ANKRD37: variants seen among roughly 807,000 people sequenced by gnomAD.
ANKRD37 encodes ankyrin repeat domain-containing protein 37.
In ANKRD37, 17 loss-of-function variants were observed where a neutral mutation model predicts 19.7. The observed-to-expected ratio is 0.86, with a 90% CI of 0.59 to 1.29. The LOEUF is 1.29. Among genes scored for constraint, ANKRD37 ranks in the 50% most tolerant of loss-of-function variants. The pLI, the probability that ANKRD37 is intolerant of heterozygous loss-of-function variation, is 0.00. For synonymous variants in ANKRD37, 79 were observed against 74.5 expected, an observed-to-expected ratio of 1.06 and a Z score of -0.31; for missense variants, 207 against 190.4, an observed-to-expected ratio of 1.09 and a Z score of -0.51.
Position 185,396,942 on chromosome 4 carries a change from A to G in ANKRD37, c.19A>G (p.Asn7Asp), listed in dbSNP as rs749430460. Residue 7 changes from asparagine to aspartate, a missense_variant, in exon 1 of 5, where the codon AAC becomes GAC. Physicochemically the swap from Asn to Asp is conservative, Grantham distance 23. Transcript: ENST00000335174. ...GCGGGAAATGCTGTTGCTGGATTGCAACCCCGAGGTGAGATTCGGGCTCAC... is the reference window on the plus strand; with the variant it reads ...GCGGGAAATGCTGTTGCTGGATTGCGACCCCGAGGTGAGATTCGGGCTCAC... MLLLDCNPEVDGLKHLL... is the reference protein window; with the variant it reads MLLLDCDPEVDGLKHLL... The G allele has an allele frequency of 6.2e-7, 1 of 1,613,644 alleles. No homozygotes were observed. The highest frequency in any genetic ancestry group is 1.1e-5 in the South Asian group (1 of 91,086).
rs528611591 is a variant in ANKRD37 at position 185,399,175 on chromosome 4, T to C, written c.272+147T>C. 69 of 758,302 alleles carry C rather than the reference T, an allele frequency of 9.1e-5. No individual in the cohort carries two copies. In the South Asian group the frequency reaches 1.2e-3, roughly 13 times the overall value. The allele number at this position is 758,302 out of a possible 1,614,324, so 47.0% of individuals were successfully genotyped here. On this transcript the variant is annotated intron_variant, in intron 3 of 4. Transcript: ENST00000335174. ...ATCATTTAAATGTTAACTTAGGTTG[T>C]TGGTGCTATCGAATAATACTCAGTT...
Position 185,399,818 on chromosome 4 carries a change from CTT to C in ANKRD37, c.476+46_476+47del, listed in dbSNP as rs373948267. ...TGCTTTTTTCCTCCCGCAGTGATCT[CTT>C]GTTTGCATAGCATTTATTATTCCAT... On this transcript the variant is annotated intron_variant, in intron 4 of 4. Coordinates refer to ENST00000335174, the MANE Select transcript of ANKRD37 (RefSeq NM_181726.4). 2.8e-3 allele frequency: 4,453 copies of C among 1,610,346 alleles called. 106 individuals are homozygous for C. In the South Asian group the frequency reaches 0.039, roughly 14 times the overall value.
downstream of ANKRD37, chr4:185,400,337 C>A (rs926975822): frequency 1.8e-5 from 25 of 1,364,306 alleles, no homozygotes; most frequent in African/African-American, 1.5e-5. Context: ...TAAACTGATT[C>A]TTTATTCACA....
At chr4:185,400,294 G>T, downstream of ANKRD37, 1 of 1,030,252 alleles carries the variant, frequency 9.7e-7, no homozygotes, top group Non-Finnish European at 1.4e-6. Flanking sequence ...AATTTAAATC[G>T]TCAAACTAGA....
In ANKRD37 at chr4:185,400,187, A is replaced by C; in HGVS notation, c.*170A>C. 1.4e-6 allele frequency: 1 copy of C among 717,608 alleles called. No individual in the cohort carries two copies. The highest frequency in any genetic ancestry group is 2.3e-6 in the Non-Finnish European group (1 of 439,374). 44.5% of individuals were successfully genotyped at this position (717,608 alleles called of 1,614,324 possible). A position where few individuals can be genotyped will look rare whatever the true frequency, so the allele number is the denominator to read the frequency against. On this transcript the variant is annotated 3_prime_UTR_variant, in exon 5 of 5. Transcript: ENST00000335174. ...GAACACATGTATTTACATGCCTATA[A>C]TATGCTGGTTGTGTATGCTTTGTCT...
At position 185,398,831 on chromosome 4, in the gene ANKRD37, A is replaced by G. The variant is rs541384171; in HGVS notation, c.181-106A>G. On this transcript the variant is annotated intron_variant, in intron 2 of 4. Transcript: ENST00000335174. ...AAAAAAAAATTCCCTGTCCAGTACA[A>G]TGCAGTTCTAACTAGCTTCCTTAAA... 32 of 823,692 alleles carry G rather than the reference A, an allele frequency of 3.9e-5. No homozygotes were observed. The Admixed American group carries it at 6.6e-4, about 17-fold the overall frequency. 51.0% of individuals were successfully genotyped at this position (823,692 alleles called of 1,614,324 possible).
At chr4:185,397,835 G>A (rs2095507239) in intron 2 of ANKRD37, 1 of 152,366 alleles carries the variant, frequency 6.6e-6, no homozygotes, top group African/African-American at 2.4e-5. Flanking sequence ...ATTTCCTAAA[G>A]AGTTTTCTTA....
rs746564992 is a variant in ANKRD37 at position 185,399,643 on chromosome 4, C to G, written c.346C>G (p.Leu116Val). ...SCGFPDCAKF[L>V]TTIKCMQTIK... ...TGGATTTCCAGACTGTGCCAAGTTT[C>G]TTACAACAATTAAATGTATGCAGAC... The change falls in exon 4 of 5, where the codon CTT becomes GTT. Residue 116 changes from leucine to valine, a missense_variant. Transcript: ENST00000335174. The G allele has an allele frequency of 3.7e-6, 6 of 1,614,160 alleles. No homozygotes were observed. In the Middle Eastern group the frequency reaches 8.2e-4, roughly 222 times the overall value.
At chr4:185,399,063 T>C (rs756856212) in intron 3 of ANKRD37, 35 bp downstream of exon 3, 7 of 1,572,352 alleles carry the variant, frequency 4.5e-6, no homozygotes, top group Admixed American at 3.3e-5. Context: ...CATTTTATGT[T>C]TTCTTGGATT....
chr4:185,397,398 A>G, intron 2 of ANKRD37, 96 bp downstream of exon 2: 1 of 1,463,924 alleles, frequency 6.8e-7, no homozygotes, highest in Admixed American at 2.1e-5. Flanking sequence ...GCTGTTAAAA[A>G]CATGTCTATA....
chr4:185,400,170 G>A lies in ANKRD37; in HGVS notation c.*153G>A. On this transcript the variant is annotated 3_prime_UTR_variant, in exon 5 of 5. Coordinates refer to ENST00000335174, the MANE Select transcript of ANKRD37 (RefSeq NM_181726.4). Reference sequence around the variant, plus strand: ...AGTGAAGATCCATTTAAGAACACATGTATTTACATGCCTATAATATGCTGG... The same window carrying A: ...AGTGAAGATCCATTTAAGAACACATATATTTACATGCCTATAATATGCTGG... The A allele has an allele frequency of 1.3e-6, 1 of 754,000 alleles. No homozygotes were observed. The allele number at this position is 754,000 out of a possible 1,614,324, so 46.7% of individuals were successfully genotyped here.
At position 185,399,648 on chromosome 4, in the gene ANKRD37, A is replaced by G; in HGVS notation, c.351A>G (p.Thr117=). 6.2e-7 allele frequency: 1 copy of G among 1,614,216 alleles called. No individual in the cohort carries two copies. Among genetic ancestry groups the G allele is most frequent in the Non-Finnish European group, 8.5e-7 (1 of 1,180,018 alleles). Residue 117 remains threonine (T), a synonymous_variant, in exon 4 of 5, where the codon ACA becomes ACG. Transcript: ENST00000335174. ...TTCCAGACTGTGCCAAGTTTCTTAC[A>G]ACAATTAAATGTATGCAGACAATAA... The part of the protein sequence containing the change: ...CGFPDCAKFL[T]TIKCMQTIKA...
chr4:185,399,858 C>T (rs2095511107), intron 4 of ANKRD37, 85 bp downstream of exon 4: 2 of 1,571,042 alleles, frequency 1.3e-6, no homozygotes, highest in Admixed American at 3.8e-5. Context: ...AATACTGACA[C>T]TCGTATTTCT....
intron 2 of ANKRD37, chr4:185,397,607 A>G (rs979926741): frequency 9.4e-6 from 3 of 318,286 alleles, no homozygotes; most frequent in South Asian, 3.9e-5. Context: ...TGCTGATTAG[A>G]TATTTTACAC....
chr4:185,399,972 C>CT (rs573004425), intron 4 of ANKRD37, 45 bp from the exon 5 acceptor site: 791 of 1,592,180 alleles, frequency 5.0e-4, no homozygotes, highest in Non-Finnish European at 6.3e-4. Context: ...GGATAAAACT[C>CT]TTTTTAAAAA....
chr4:185,400,518 T>G, downstream of ANKRD37: 1 of 1,480,676 alleles, frequency 6.8e-7, no homozygotes, highest in Non-Finnish European at 9.4e-7. Context: ...TTTTACAAAG[T>G]TACAAGATTA....
intron 1 of ANKRD37, 29 bp from the exon 2 acceptor site, chr4:185,397,121 A>G: frequency 6.2e-7 from 1 of 1,611,916 alleles, no homozygotes; most frequent in Non-Finnish European, 8.5e-7. Context: ...AAAGGTGGGA[A>G]GGGTGCTGGA....
chr4:185,400,003 G>C lies in ANKRD37; in HGVS notation c.*-14G>C. 1.2e-6 allele frequency: 2 copies of C among 1,602,562 alleles called. No individual in the cohort carries two copies. Among genetic ancestry groups the C allele is most frequent in the Middle Eastern group, 1.7e-4 (1 of 6,016 alleles). On this transcript the variant is annotated splice_polypyrimidine_tract_variant and intron_variant, in intron 4 of 4. Coordinates refer to ENST00000335174, the MANE Select transcript of ANKRD37 (RefSeq NM_181726.4). ...AAAAAAAAGTTTTTAATGTTAACGT[G>C]TTTTTAAAAACAGATGTCACGTGGG...
At chr4:185,397,073 C>T in intron 1 of ANKRD37, 77 bp from the exon 2 acceptor site, 3 of 1,608,940 alleles carry the variant, frequency 1.9e-6, no homozygotes, top group Middle Eastern at 1.9e-4. Context: ...TTGTGAAGGG[C>T]GGGGAGGTTT....
Sources: allele counts gnomAD v4.1 joint callset, GRCh38; gene constraint gnomAD v4.1.1; transcripts MANE v1.5; gene names NCBI Gene and HGNC (gene_info 2026-07-23, HGNC 2026-07-21).